The following ZBTB21 variants were observed in gnomAD, a reference collection of about 807,000 sequenced individuals.
ZBTB21 encodes the protein zinc finger and BTB domain containing 21.
ZBTB21 carries 10 observed loss-of-function variants against 39.8 expected under a neutral mutation model. The ratio of observed to expected loss-of-function variants is 0.25; its 90% CI spans 0.16 to 0.43. The LOEUF (loss-of-function observed/expected upper bound fraction) is 0.43, where lower values mean the gene tolerates loss of function less well. ZBTB21 is among the 20% of genes least tolerant of loss of function. The pLI, the probability that ZBTB21 is intolerant of heterozygous loss-of-function variation, is 1.00. For synonymous variants in ZBTB21, 551 were observed against 498.8 expected (o/e 1.10, Z -1.40); for missense variants, 1,221 against 1,296.3 (o/e 0.94, Z 0.89).
chr21:42,001,128 T>A (rs555382319), intron 2 of ZBTB21, among the ~76,000 whole-genome samples: 1 of 152,190 alleles, frequency 6.6e-6, no homozygotes, highest in Admixed American at 6.5e-5. Flanking sequence ...TCAAGTAACA[T>A]GCTCAACGTC....
At chr21:42,008,588 T>C (rs1401209888) in intron 1 of ZBTB21, among the ~76,000 whole-genome samples, 1 of 142,768 alleles carries the variant, frequency 7.0e-6, no homozygotes, top group Non-Finnish European at 1.5e-5. Flanking sequence ...AAAGAAAAAA[T>C]TGTCCCTTTA....
At position 41,993,804 on chromosome 21, in the gene ZBTB21, T is replaced by G; in HGVS notation, c.292A>C (p.Ser98Arg). 1 of 1,614,260 alleles carries G rather than the reference T, an allele frequency of 6.2e-7. No homozygotes were observed. Among genetic ancestry groups the G allele is most frequent in the Non-Finnish European group, 8.5e-7 (1 of 1,180,046 alleles). ...YSSSLFVEKS[S>R]LAAVQELGYS... ...CCAAGTTCTTGCACAGCAGCAAGGC[T>G]GCTCTTCTCAACAAATAGAGAGGAA... Residue 98 changes from serine (S) to arginine (R), a missense_variant, in exon 3 of 3, where the codon AGC becomes CGC. By Grantham distance (110) the Ser-to-Arg change is moderately radical (BLOSUM62 -1). Around this residue, in one of 4 missense-constraint regions of ZBTB21, gnomAD observed 108 missense variants for 155.0 expected, o/e 0.70. Transcript: ENST00000310826.
chr21:42,004,200 A>G (rs923031044), intron 1 of ZBTB21, among the ~76,000 whole-genome samples: 2 of 152,230 alleles, frequency 1.3e-5, no homozygotes, highest in African/African-American at 4.8e-5. Flanking sequence ...GGGTTTCACC[A>G]TATTGGTCAG....
chr21:41,992,019 G>A lies in ZBTB21; in HGVS notation c.2077C>T (p.Pro693Ser). The A allele has an allele frequency of 6.2e-7, 1 of 1,614,172 alleles. No individual in the cohort carries two copies. Among genetic ancestry groups the A allele is most frequent in the Non-Finnish European group, 8.5e-7 (1 of 1,180,042 alleles). The stretch of plus-strand genomic sequence containing the variant: ...TTTACTCCAAGGGGTTTTTCTCCTG[G>A]ATGCATTTTTATATGCTGCTTAAAT... ...SQFKQHIKMH[P>S]GEKPLGVNKV... The change falls in exon 3 of 3, where the codon CCA (proline) becomes TCA (serine). Residue 693 changes from proline to serine, a missense_variant. Pro to Ser is a moderately conservative substitution (Grantham distance 74, BLOSUM62 -1). Coordinates refer to ENST00000310826, the MANE Select transcript of ZBTB21 (RefSeq NM_001098402.2). This position sits in a 1 kb window ranked among gnomAD's most constrained non-coding sequence, Gnocchi z 4.1.
In ZBTB21 at chr21:41,991,480, C is replaced by G. The variant is rs1161370653; in HGVS notation, c.2616G>C (p.Lys872Asn). 6.2e-7 allele frequency: 1 copy of G among 1,614,180 alleles called. No individual in the cohort carries two copies. Among genetic ancestry groups the G allele is most frequent in the South Asian group, 1.1e-5 (1 of 91,080 alleles). ...SCLPEDLSLS[K>N]QLKIQVKEEP... Reference sequence around the variant, plus strand: ...CCTCTTTGACTTGGATTTTCAGTTGCTTGGAAAGACTAAGGTCTTCGGGAA... The same window carrying G: ...CCTCTTTGACTTGGATTTTCAGTTGGTTGGAAAGACTAAGGTCTTCGGGAA... Residue 872 changes from lysine (K) to asparagine (N), a missense_variant, in exon 3 of 3, where the codon AAG (lysine) becomes AAC (asparagine). Around this residue, in one of 4 missense-constraint regions of ZBTB21, gnomAD observed 523 missense variants for 542.5 expected, o/e 0.96. Coordinates refer to ENST00000310826, the MANE Select transcript of ZBTB21 (RefSeq NM_001098402.2). The surrounding 1 kb of genome is among the most constrained non-coding windows in gnomAD (Gnocchi z 4.9).
chr21:41,996,058 G>C (rs954753901), intron 2 of ZBTB21, among the ~76,000 whole-genome samples: 2 of 152,240 alleles, frequency 1.3e-5, no homozygotes, highest in African/African-American at 4.8e-5. Context: ...CCCTCCATGA[G>C]GGGCAGGGCC....
chr21:41,991,797 C>T lies in ZBTB21; in HGVS notation c.2299G>A (p.Glu767Lys), dbSNP rs767916697. Residue 767 changes from glutamate (E) to lysine (K), a missense_variant, in exon 3 of 3, where the codon GAG becomes AAG. Transcript: ENST00000310826. The surrounding 1 kb of genome is among the most constrained non-coding windows in gnomAD (Gnocchi z 4.9). ...FFSPELKQEH[E>K]SKCEYKKLTC... ...AGCTTCTTATACTCACACTTGCTCT[C>T]GTGTTCTTGCTTCAGCTCGGGCGAG... 5.0e-6 allele frequency: 8 copies of T among 1,614,098 alleles called. No homozygotes were observed. Among genetic ancestry groups the T allele is most frequent in the Admixed American group, 1.7e-5 (1 of 60,014 alleles).
At position 41,993,352 on chromosome 21, in the gene ZBTB21, G is replaced by T. The variant is rs768314235; in HGVS notation, c.744C>A (p.Asp248Glu). The T allele has an allele frequency of 1.1e-5, 17 of 1,613,846 alleles. No homozygotes were observed. Among genetic ancestry groups the T allele is most frequent in the Non-Finnish European group, 1.4e-5 (16 of 1,180,004 alleles). Residue 248 changes from aspartate to glutamate, a missense_variant, in exon 3 of 3, where the codon GAC becomes GAA. Physicochemically the swap from Asp to Glu is conservative, Grantham distance 45 (BLOSUM62 2). Around this residue, in one of 4 missense-constraint regions of ZBTB21, gnomAD observed 500 missense variants for 465.6 expected, o/e 1.07. Coordinates refer to ENST00000310826, the MANE Select transcript of ZBTB21 (RefSeq NM_001098402.2). ...CTGGTTTATCATCCATAGCTTCTCT[G>T]TCTTGCAGAGGCTTTGAAGGCAACA... ...NAVLPSKPLQ[D>E]REAMDDKPGV...
chr21:42,003,096 A>G (rs1315605176), intron 1 of ZBTB21, 135 bp from the exon 2 acceptor site: 1 of 152,258 alleles, frequency 6.6e-6, no homozygotes, highest in African/African-American at 2.4e-5. Context: ...GGAACCTTCT[A>G]AAGATGACTC....
In ZBTB21 at chr21:41,991,319, C is replaced by T. The variant is rs762954242; in HGVS notation, c.2777G>A (p.Arg926His). The change falls in exon 3 of 3, where the codon CGT becomes CAT. Residue 926 changes from arginine to histidine, a missense_variant. Physicochemically the swap from Arg to His is conservative, Grantham distance 29. Transcript: ENST00000310826. The surrounding 1 kb of genome is among the most constrained non-coding windows in gnomAD (Gnocchi z 4.9). Reference protein sequence around the residue: ...KMFTVHKQLERHQELLCSVKP... With the variant: ...KMFTVHKQLEHHQELLCSVKP... ...CACAGAGCACAGAAGCTCCTGGTGA[C>T]GCTCCAGCTGCTTATGCACCGTGAA... 6.2e-6 allele frequency: 10 copies of T among 1,610,286 alleles called. No individual in the cohort carries two copies. The highest frequency in any genetic ancestry group is 1.3e-5 in the African/African-American group (1 of 74,822).
chr21:41,991,018 G>C lies in ZBTB21; in HGVS notation c.3078C>G (p.Thr1026=), dbSNP rs760736166. Residue 1026 remains threonine (T), a synonymous_variant, in exon 3 of 3, where the codon ACC becomes ACG. Transcript: ENST00000310826. The surrounding 1 kb of genome is among the most constrained non-coding windows in gnomAD (Gnocchi z 4.9). ...AAAGGGGTGGGGCATGGTAAAAAAG[G>C]GTGTCTGATTCTTGGGGCACAAACA... ...EKLFVPQESD[T]LFYHAPPLSA... is the part of the protein sequence containing the mutation. 1.3e-6 allele frequency: 2 copies of C among 1,574,126 alleles called. No homozygotes were observed. The highest frequency in any genetic ancestry group is 8.6e-7 in the Non-Finnish European group (1 of 1,161,828).
In ZBTB21 at chr21:41,992,762, C is replaced by A. The variant is rs1387467282; in HGVS notation, c.1334G>T (p.Arg445Leu). The change falls in exon 3 of 3, where the codon CGC (arginine) becomes CTC (leucine). Residue 445 changes from arginine (R) to leucine (L), a missense_variant. Arg to Leu is a moderately radical substitution (Grantham distance 102). Coordinates refer to ENST00000310826, the MANE Select transcript of ZBTB21 (RefSeq NM_001098402.2). This position sits in a 1 kb window ranked among gnomAD's most constrained non-coding sequence, Gnocchi z 4.1. ...TGTTGCCGCATCTCCCACAGTGACG[C>A]GGATGATGTCCGAGGGGTCCGACAG... is the stretch of plus-strand genomic sequence containing the variant. ...SPLSDPSDIIRVTVGDAATTA... is the reference protein window; with the variant it reads ...SPLSDPSDIILVTVGDAATTA... 2 of 1,614,128 alleles carry A rather than the reference C, an allele frequency of 1.2e-6. No homozygotes were observed. The highest frequency in any genetic ancestry group is 1.7e-6 in the Non-Finnish European group (2 of 1,180,042).
intron 2 of ZBTB21, among the ~76,000 whole-genome samples, chr21:41,994,788 TCTC>T (rs1433135672): frequency 1.2e-4 from 17 of 145,594 alleles, no homozygotes; most frequent in African/African-American, 4.5e-4. Context: ...CCCACCCAAA[TCTC>T]CTCTTGAATT....
In ZBTB21 at chr21:42,008,430, A is replaced by C. The variant is rs983536295; in HGVS notation, c.-79+1822T>G. Reference sequence around the variant, plus strand: ...CTACTCAGGAGGCTGAGGCAGGAGAATCGCTTGAACCAGGGAGGCGGAGGT... The same window carrying C: ...CTACTCAGGAGGCTGAGGCAGGAGACTCGCTTGAACCAGGGAGGCGGAGGT... On this transcript the variant is annotated intron_variant, in intron 1 of 2. Transcript: ENST00000310826. Among the ~76,000 whole-genome samples, 63 of 150,830 alleles carry C rather than the reference A, an allele frequency of 4.2e-4. 1 individual carries two copies. Among genetic ancestry groups the C allele is most frequent in the Non-Finnish European group, 7.4e-5 (5 of 67,680 alleles).
rs1221579495 is a variant in ZBTB21 at position 41,990,751 on chromosome 21, A to T, written c.*144T>A. The stretch of plus-strand genomic sequence containing the variant: ...TTAAGGACATTACTAAGTAATTATC[A>T]ATTTGCCTCCAACTTAATTTCAAGC... On this transcript the variant is annotated 3_prime_UTR_variant, in exon 3 of 3. Transcript: ENST00000310826. 9 of 771,642 alleles carry T rather than the reference A, an allele frequency of 1.2e-5. No homozygotes were observed. Among genetic ancestry groups the T allele is most frequent in the Non-Finnish European group, 1.7e-5 (9 of 530,200 alleles). 47.8% of individuals were successfully genotyped at this position (771,642 alleles called of 1,614,324 possible).
chr21:42,005,614 G>A (rs1385735831), intron 1 of ZBTB21, among the ~76,000 whole-genome samples: 3 of 152,126 alleles, frequency 2.0e-5, no homozygotes, highest in African/African-American at 4.8e-5. Flanking sequence ...ATATTTCCAC[G>A]TGGTATTCAC....
At chr21:42,005,097 A>C (rs1797014019) in intron 1 of ZBTB21, among the ~76,000 whole-genome samples, 1 of 152,176 alleles carries the variant, frequency 6.6e-6, no homozygotes, top group Non-Finnish European at 1.5e-5. Flanking sequence ...GTTCTTGGCC[A>C]CATTCAGGAG....
Position 41,988,545 on chromosome 21 carries a change from A to T in ZBTB21, c.*2350T>A, listed in dbSNP as rs1373643377. ...AAAATAGTTACATGAGTGGAAGCAT[A>T]TTTTTTTTGACCACCAAAATAAACT... On this transcript the variant is annotated 3_prime_UTR_variant, in exon 3 of 3. Transcript: ENST00000310826. 3.3e-5 allele frequency: 5 copies of T among 151,684 alleles called. No homozygotes were observed. Among genetic ancestry groups the T allele is most frequent in the Non-Finnish European group, 5.9e-5 (4 of 67,848 alleles). 9.4% of individuals were successfully genotyped at this position (151,684 alleles called of 1,614,324 possible).
intron 2 of ZBTB21, among the ~76,000 whole-genome samples, chr21:41,996,156 TGGA>T (rs2065743689): frequency 6.6e-6 from 1 of 152,176 alleles, no homozygotes; most frequent in Non-Finnish European, 1.5e-5. Context: ...CACTGCCTAG[TGGA>T]GATGTGAGAA....
Sources: allele counts gnomAD v4.1 joint callset (sites outside exome capture counted in the v4.1 genomes callset), GRCh38; gene constraint gnomAD v4.1.1; regional missense constraint gnomAD v4.1.1; non-coding constraint Gnocchi (gnomAD v3.1); transcripts MANE v1.5; gene names NCBI Gene and HGNC (gene_info 2026-07-23, HGNC 2026-07-21).